PPP5C: variants seen among roughly 807,000 people sequenced by gnomAD.
PPP5C encodes the protein protein phosphatase 5 catalytic subunit.
PPP5C carries 21 observed loss-of-function variants against 66.7 expected under a neutral mutation model. The ratio of observed to expected loss-of-function variants is 0.31; its 90% CI spans 0.22 to 0.45. PPP5C has a LOEUF of 0.45. Among genes scored for constraint, PPP5C ranks in the 20% least tolerant of loss-of-function variants. The pLI is 1.00. For synonymous variants in PPP5C, 246 were observed against 257.4 expected (o/e 0.96, Z 0.43); for missense variants, 464 against 675.9 (o/e 0.69, Z 3.48).
At chr19:46,371,753 C>G (rs1259571053) in intron 2 of PPP5C, among the ~76,000 whole-genome samples, 1 of 152,222 alleles carries the variant, frequency 6.6e-6, no homozygotes, top group Non-Finnish European at 1.5e-5. Context: ...AGGCTTCAGG[C>G]TGTCACTAGC....
chr19:46,382,264 C>G (rs1281593196), intron 4 of PPP5C: 2 of 152,242 alleles, frequency 1.3e-5, no homozygotes, highest in Non-Finnish European at 2.9e-5. Context: ...CCTGCTGCCT[C>G]GCACCAGGGT....
chr19:46,376,107 C>G lies in PPP5C; in HGVS notation c.512-346C>G, dbSNP rs1972691007. 6.6e-6 allele frequency among the ~76,000 whole-genome samples: 1 copy of G among 152,140 alleles called. No homozygotes were observed. The highest frequency in any genetic ancestry group is 1.5e-5 in the Non-Finnish European group (1 of 68,024). On this transcript the variant is annotated intron_variant, in intron 3 of 12. Transcript: ENST00000012443. This position sits in a 1 kb window ranked among gnomAD's most constrained non-coding sequence, Gnocchi z 5.1. ...GATTATTGAGCATCTCCTATGTGCC[C>G]GGCACTGTCCTAGGCACTAGGGGTA... is the stretch of plus-strand genomic sequence containing the variant.
chr19:46,347,111 G>A lies in PPP5C; in HGVS notation c.15G>A (p.Glu5=), dbSNP rs1371943092. 2 of 1,603,368 alleles carry A rather than the reference G, an allele frequency of 1.2e-6. No homozygotes were observed. Among genetic ancestry groups the A allele is most frequent in the South Asian group, 2.2e-5 (2 of 89,504 alleles). MAMA[E]GERTECAEPP... Reference sequence around the variant, plus strand: ...CGCTTTGCGGCATGGCGATGGCGGAGGGCGAGAGGACTGAGTGTGCTGAGC... The same window carrying A: ...CGCTTTGCGGCATGGCGATGGCGGAAGGCGAGAGGACTGAGTGTGCTGAGC... Residue 5 remains glutamate, a synonymous_variant, in exon 1 of 13, where the codon GAG becomes GAA. Transcript: ENST00000012443.
At chr19:46,361,354 C>T (rs1185516415) in intron 2 of PPP5C, among the ~76,000 whole-genome samples, 1 of 149,692 alleles carries the variant, frequency 6.7e-6, no homozygotes, top group African/African-American at 2.4e-5. Context: ...TGGTCTCAAT[C>T]TCTTGACCTC....
chr19:46,352,372 C>T (rs1267149484), intron 1 of PPP5C, among the ~76,000 whole-genome samples: 1 of 152,136 alleles, frequency 6.6e-6, no homozygotes, highest in African/African-American at 2.4e-5. Flanking sequence ...CTCAGTAGCC[C>T]AGGGATACCC....
intron 1 of PPP5C, among the ~76,000 whole-genome samples, chr19:46,351,190 C>CT (rs1972177598): frequency 6.6e-6 from 1 of 152,198 alleles, no homozygotes; most frequent in African/African-American, 2.4e-5. Context: ...AACCCTATGT[C>CT]TTCCTTTACC....
rs544650535 is a variant in PPP5C, at chr19:46,354,006, G to A, written c.363+17G>A. ...TACGAGACGGTGAGCTGGGGAGTGG[G>A]CCAGGCCTGGCACCTGAGCCAGGCA... On this transcript the variant is annotated intron_variant, in intron 2 of 12. Coordinates refer to ENST00000012443, the MANE Select transcript of PPP5C (RefSeq NM_006247.4). 62 of 1,608,342 alleles carry A rather than the reference G, an allele frequency of 3.9e-5. No individual in the cohort carries two copies. The East Asian group carries it at 1.3e-3, about 34-fold the overall frequency.
In PPP5C at chr19:46,390,384, C is replaced by G; in HGVS notation, c.*38C>G. 1 of 1,554,124 alleles carries G rather than the reference C, an allele frequency of 6.4e-7. No homozygotes were observed. The highest frequency in any genetic ancestry group is 8.7e-7 in the Non-Finnish European group (1 of 1,148,784). On this transcript the variant is annotated 3_prime_UTR_variant, in exon 13 of 13. Coordinates refer to ENST00000012443, the MANE Select transcript of PPP5C (RefSeq NM_006247.4). ...GGCGGCCTGCATCCCAGGGCCCCTC[C>G]AATCCCACCGGACCCAGGCCCTGGG...
At chr19:46,362,580 G>A (rs2147372480) in intron 2 of PPP5C, among the ~76,000 whole-genome samples, 1 of 152,044 alleles carries the variant, frequency 6.6e-6, no homozygotes, top group African/African-American at 2.4e-5. Flanking sequence ...CTATTTATAT[G>A]TATTTAATTT....
chr19:46,375,437 C>A (rs1398954406), intron 2 of PPP5C, among the ~76,000 whole-genome samples, 167 bp from the exon 3 acceptor site: 1 of 152,216 alleles, frequency 6.6e-6, no homozygotes, highest in African/African-American at 2.4e-5. Context: ...TTTTGGGGTG[C>A]AGAAACCAAG....
At chr19:46,365,580 G>GT (rs1972477177) in intron 2 of PPP5C, among the ~76,000 whole-genome samples, 1 of 152,204 alleles carries the variant, frequency 6.6e-6, no homozygotes. Flanking sequence ...TGGCAGCAGA[G>GT]TGCTTCAGGT....
At chr19:46,368,583 T>A (rs1017522784) in intron 2 of PPP5C, among the ~76,000 whole-genome samples, 1 of 152,224 alleles carries the variant, frequency 6.6e-6, no homozygotes, top group South Asian at 2.1e-4. Context: ...GGGGTACCCG[T>A]GGTTTTAGTG....
intron 2 of PPP5C, among the ~76,000 whole-genome samples, chr19:46,354,402 C>T (rs893471468): frequency 6.6e-6 from 1 of 152,216 alleles, no homozygotes; most frequent in Admixed American, 6.5e-5. Flanking sequence ...CACAGCCTCT[C>T]TTCTTCTGGT....
At chr19:46,378,632 A>G (rs1234130594) in intron 4 of PPP5C, among the ~76,000 whole-genome samples, 1 of 152,070 alleles carries the variant, frequency 6.6e-6, no homozygotes, top group Non-Finnish European at 1.5e-5. Context: ...TGAAATTTTT[A>G]TTAGGCACAC....
chr19:46,349,366 T>C (rs1304866978), intron 1 of PPP5C, among the ~76,000 whole-genome samples: 1 of 150,902 alleles, frequency 6.6e-6, no homozygotes, highest in Non-Finnish European at 1.5e-5. Context: ...TAGAGTCCAA[T>C]AGAGATGGAG....
In PPP5C at chr19:46,384,936, G is replaced by A. The variant is rs73563008; in HGVS notation, c.904+27G>A. ...TGAGCTGGGAAGTGACAAGGTTTGG[G>A]TTCATTGTGGGGTCCTGAGTGGGGC... On this transcript the variant is annotated intron_variant, in intron 7 of 12. Coordinates refer to ENST00000012443, the MANE Select transcript of PPP5C (RefSeq NM_006247.4). 4.0e-3 allele frequency: 6,306 copies of A among 1,559,624 alleles called. 216 individuals carry two copies. The African/African-American group carries it at 0.071, about 17-fold the overall frequency.
At chr19:46,353,031 C>T (rs1449012048) in intron 1 of PPP5C, among the ~76,000 whole-genome samples, 2 of 152,194 alleles carry the variant, frequency 1.3e-5, no homozygotes, top group African/African-American at 4.8e-5. Context: ...GCCTCTAAGG[C>T]TGTTTAAGCC....
At chr19:46,365,660 TG>T (rs1972478686) in intron 2 of PPP5C, among the ~76,000 whole-genome samples, 1 of 152,182 alleles carries the variant, frequency 6.6e-6, no homozygotes, top group African/African-American at 2.4e-5. Context: ...TTCTTCCTAA[TG>T]GGAGGCCCTT....
At chr19:46,375,778 T>A (rs1217690895) in intron 3 of PPP5C, 27 bp downstream of exon 3, 5 of 1,562,964 alleles carry the variant, frequency 3.2e-6, no homozygotes, top group Non-Finnish European at 3.5e-6. Flanking sequence ...TGCTCCACGC[T>A]CCAGCCCAGA....
Sources: gnomAD v4.1 joint callset for allele counts (sites outside exome capture counted in the v4.1 genomes callset) on GRCh38, gnomAD v4.1.1 for gene constraint, Gnocchi (gnomAD v3.1) non-coding constraint, MANE v1.5 for transcripts, NCBI Gene and HGNC (gene_info 2026-07-23, HGNC 2026-07-21) for gene names.